The following TUBGCP4 variants were observed in gnomAD, a reference collection of about 807,000 sequenced individuals.
TUBGCP4 encodes the protein tubulin gamma complex component 4, also known as gamma-tubulin complex component 4.
A neutral mutation model predicts 91.6 loss-of-function variants in TUBGCP4; 54 were observed. The ratio of observed to expected loss-of-function variants is 0.59; its 90% CI spans 0.47 to 0.74. The LOEUF is 0.74. Ranked by LOEUF, TUBGCP4 falls within the 30% of genes least tolerant of loss-of-function variation. The pLI is 0.00. For synonymous variants in TUBGCP4, 297 were observed against 302.8 expected, an observed-to-expected ratio of 0.98 and a Z score of 0.20; for missense variants, 593 against 800.9, an observed-to-expected ratio of 0.74 and a Z score of 3.13.
At chr15:43,374,565 AC>A (rs2044173460) in intron 1 of TUBGCP4, among the ~76,000 whole-genome samples, 1 of 152,068 alleles carries the variant, frequency 6.6e-6, no homozygotes, top group African/African-American at 2.4e-5. Context: ...TGAGCTATGA[AC>A]CCACCACTGT....
At chr15:43,401,947 T>A in intron 15 of TUBGCP4, 97 bp downstream of exon 15, 2 of 1,465,174 alleles carry the variant, frequency 1.4e-6, no homozygotes, top group South Asian at 2.6e-5. Flanking sequence ...CATTAAGCAA[T>A]TATTCAAGTC....
intron 6 of TUBGCP4, among the ~76,000 whole-genome samples, chr15:43,381,017 G>A (rs1470322481): frequency 2.6e-5 from 4 of 151,728 alleles, no homozygotes; most frequent in Admixed American, 2.6e-4. Flanking sequence ...ATGTTGCCCA[G>A]GCTGGTCTCG....
chr15:43,383,637 G>A (rs1003218342), intron 7 of TUBGCP4, 133 bp downstream of exon 7: 4 of 677,918 alleles, frequency 5.9e-6, no homozygotes, highest in Admixed American at 3.4e-5. Flanking sequence ...GTAAACATTC[G>A]GCTTTATCTT....
chr15:43,386,791 G>T (rs1467590362), intron 9 of TUBGCP4, among the ~76,000 whole-genome samples: 1 of 147,952 alleles, frequency 6.8e-6, no homozygotes, highest in East Asian at 2.0e-4. Context: ...TTGATGTCTT[G>T]ATGAGTTAAG....
At chr15:43,389,237 T>C (rs1566895905) in intron 9 of TUBGCP4, among the ~76,000 whole-genome samples, 1 of 152,256 alleles carries the variant, frequency 6.6e-6, no homozygotes, top group Non-Finnish European at 1.5e-5. Context: ...TCTTTAGTTT[T>C]TACTGCTTAC....
At chr15:43,402,120 A>G (rs1056805274) in intron 15 of TUBGCP4, 5 of 277,292 alleles carry the variant, frequency 1.8e-5, no homozygotes, top group Non-Finnish European at 3.4e-5. Flanking sequence ...AAAATACAGA[A>G]GAAAAAAAAA....
intron 6 of TUBGCP4, 136 bp from the exon 7 acceptor site, chr15:43,383,167 T>C: frequency 1.5e-6 from 1 of 680,088 alleles, no homozygotes; most frequent in Non-Finnish European, 2.3e-6. Context: ...TTCACCCACA[T>C]TTAAATTAAA....
At chr15:43,388,846 G>C (rs927067824) in intron 9 of TUBGCP4, among the ~76,000 whole-genome samples, 1 of 152,162 alleles carries the variant, frequency 6.6e-6, no homozygotes, top group Non-Finnish European at 1.5e-5. Context: ...GAAGGAAAAG[G>C]GGGGAGTGTT....
chr15:43,385,254 C>T (rs1566893644), intron 7 of TUBGCP4: 1 of 418,264 alleles, frequency 2.4e-6, no homozygotes, highest in Non-Finnish European at 4.8e-6. Context: ...TGGGTGGCTT[C>T]AGGAGGTTCA....
chr15:43,408,714 C>G lies in TUBGCP4; in HGVS notation c.*3500C>G, dbSNP rs2045011380. The G allele has an allele frequency of 4.9e-6, 3 of 612,348 alleles. No individual in the cohort carries two copies. The highest frequency in any genetic ancestry group is 8.5e-6 in the Non-Finnish European group (3 of 351,124). 37.9% of individuals were successfully genotyped at this position (612,348 alleles called of 1,614,324 possible). A position where few individuals can be genotyped will look rare whatever the true frequency, so the allele number is the denominator to read the frequency against. On this transcript the variant is annotated 3_prime_UTR_variant, in exon 18 of 18. Transcript: ENST00000564079. ...AATCTTCACACATTTGCAAAAGGTT[C>G]CTAGCCAATGTAACCTAGGGAAATA... is the stretch of plus-strand genomic sequence containing the variant.
At chr15:43,385,416 G>C (rs1284502375) in intron 7 of TUBGCP4, 3 of 460,884 alleles carry the variant, frequency 6.5e-6, no homozygotes, top group African/African-American at 6.0e-5. Flanking sequence ...GAGAGGAAAA[G>C]ACAGTCTGGG....
chr15:43,371,445 G>T lies in TUBGCP4; in HGVS notation c.78+13G>T. 1.9e-6 allele frequency: 3 copies of T among 1,613,806 alleles called. No homozygotes were observed. Among genetic ancestry groups the T allele is most frequent in the Admixed American group, 3.3e-5 (2 of 59,996 alleles). ...GAGTGGCCTGCAGGTACTGTCCGGCGCAGAGCGCGGGAACCAGGGAGCGCA... is the reference window on the plus strand; with the variant it reads ...GAGTGGCCTGCAGGTACTGTCCGGCTCAGAGCGCGGGAACCAGGGAGCGCA... On this transcript the variant is annotated intron_variant, in intron 1 of 17. Coordinates refer to ENST00000564079, the MANE Select transcript of TUBGCP4 (RefSeq NM_014444.5).
At chr15:43,404,609 T>G in intron 17 of TUBGCP4, 57 bp downstream of exon 17, 1 of 1,581,072 alleles carries the variant, frequency 6.3e-7, no homozygotes, top group Non-Finnish European at 8.6e-7. Flanking sequence ...TTTAATGAGT[T>G]GTAGAATTCT....
At position 43,386,297 on chromosome 15, in the gene TUBGCP4, G is replaced by A. The variant is rs1405858143; in HGVS notation, c.981G>A (p.Gln327=). 1.3e-6 allele frequency: 2 copies of A among 1,571,456 alleles called. No individual in the cohort carries two copies. Among genetic ancestry groups the A allele is most frequent in the East Asian group, 2.3e-5 (1 of 42,718 alleles). Residue 327 remains glutamine (Q), a synonymous_variant, in exon 9 of 18, where the codon CAG becomes CAA. Coordinates refer to ENST00000564079, the MANE Select transcript of TUBGCP4 (RefSeq NM_014444.5). ...QPLFSLVDFE[Q]VVDRIRSTVA... ...TCTTCAGCTTGGTGGACTTTGAACA[G>A]GTGGTGGATCGCATTCGCAGCACTG... is the stretch of plus-strand genomic sequence containing the variant.
At chr15:43,396,718 A>G (rs999047) in intron 11 of TUBGCP4, among the ~76,000 whole-genome samples, 44,330 of 152,050 alleles carry the variant, frequency 0.29, 10,048 homozygotes, top group African/African-American at 0.63. Flanking sequence ...GTCTCTTTCC[A>G]TCTTCTACCT....
At chr15:43,393,436 C>CT (rs904515341) in intron 9 of TUBGCP4, among the ~76,000 whole-genome samples, 21 of 148,222 alleles carry the variant, frequency 1.4e-4, no homozygotes, top group Middle Eastern at 3.5e-3. Context: ...GTTTCGATCT[C>CT]TTTTTTTTTT....
chr15:43,400,092 T>C lies in TUBGCP4; in HGVS notation c.1467T>C (p.Ala489=), dbSNP rs1282941545. The C allele has an allele frequency of 1.9e-6, 3 of 1,614,098 alleles. No homozygotes were observed. In the East Asian group the frequency reaches 6.7e-5, roughly 36 times the overall value. ...KYLLSVRRVQ[A]ELQHCWALQM... is the part of the protein sequence containing the mutation. The stretch of plus-strand genomic sequence containing the variant: ...TACTGAGTGTGCGCCGGGTGCAAGC[T>C]GAGCTGCAGCACTGCTGGGCCCTAC... The change falls in exon 14 of 18, where the codon GCT becomes GCC. Residue 489 remains alanine, a synonymous_variant. Coordinates refer to ENST00000564079, the MANE Select transcript of TUBGCP4 (RefSeq NM_014444.5).
At position 43,397,154 on chromosome 15, in the gene TUBGCP4, G is replaced by A. The variant is rs2044595185; in HGVS notation, c.1172-60G>A. The A allele has an allele frequency of 2.6e-5, 31 of 1,180,812 alleles. No homozygotes were observed. The South Asian group carries it at 3.6e-4, about 14-fold the overall frequency. The allele number at this position is 1,180,812 out of a possible 1,614,324, so 73.1% of individuals were successfully genotyped here. On this transcript the variant is annotated intron_variant, in intron 11 of 17. Transcript: ENST00000564079. ...GTTGGGGGAGAAGTGGAAAGCTGGA[G>A]GAGTCTGGGTTTGTTATGTAGCCAA... is the stretch of plus-strand genomic sequence containing the variant.
At chr15:43,396,153 T>G (rs2044576660) in intron 11 of TUBGCP4, among the ~76,000 whole-genome samples, 1 of 152,240 alleles carries the variant, frequency 6.6e-6, no homozygotes, top group Non-Finnish European at 1.5e-5. Context: ...TGTTTGTGTC[T>G]CTTGTGAACA....
Sources: allele counts gnomAD v4.1 joint callset (sites outside exome capture counted in the v4.1 genomes callset), GRCh38; gene constraint gnomAD v4.1.1; transcripts MANE v1.5; gene names NCBI Gene and HGNC (gene_info 2026-07-23, HGNC 2026-07-21).